Variants in IL1RAP observed in about 807,000 individuals in gnomAD.
The protein encoded by IL1RAP is interleukin 1 receptor accessory protein.
A neutral mutation model predicts 60.7 loss-of-function variants in IL1RAP; 35 were observed. The ratio of observed to expected loss-of-function variants is 0.58; its 90% CI spans 0.44 to 0.76. The LOEUF is 0.76. Ranked by LOEUF, IL1RAP falls within the 30% of genes least tolerant of loss-of-function variation. IL1RAP has a pLI of 0.00. For missense variants in IL1RAP, 572 were observed against 693.9 expected (o/e 0.82, Z 1.97); for synonymous variants, 268 against 250.9 (o/e 1.07, Z -0.64).
At chr3:190,659,392 G>A (rs536497691) in exon 12 of IL1RAP, 141 of 152,144 alleles carry the variant, frequency 9.3e-4, no homozygotes, top group African/African-American at 3.1e-3. Flanking sequence ...GTTATACAGC[G>A]GTCAGAAAGA....
chr3:190,521,914 G>A (rs1057360667), intron 1 of IL1RAP, among the ~76,000 whole-genome samples: 9 of 151,042 alleles, frequency 6.0e-5, no homozygotes, highest in Non-Finnish European at 1.5e-5. Flanking sequence ...CAAAATAAAG[G>A]AGAAAATATT....
At chr3:190,629,655 T>C in intron 9 of IL1RAP, 157 bp downstream of exon 9, 1 of 1,389,674 alleles carries the variant, frequency 7.2e-7, no homozygotes, top group Non-Finnish European at 9.4e-7. Context: ...AATATGAAAG[T>C]TTTCATCTAT....
intron 3 of IL1RAP, among the ~76,000 whole-genome samples, chr3:190,571,525 CA>C (rs544846899): frequency 4.6e-5 from 7 of 151,332 alleles, no homozygotes; most frequent in African/African-American, 1.5e-4. Flanking sequence ...CTCTCTTTCT[CA>C]AAAAAAAGTA....
intron 1 of IL1RAP, among the ~76,000 whole-genome samples, chr3:190,530,476 G>A (rs1722895977): frequency 6.6e-6 from 1 of 152,198 alleles, no homozygotes; most frequent in Non-Finnish European, 1.5e-5. Context: ...GTCATCATAA[G>A]ATGTTCTGGA....
chr3:190,635,584 C>A (rs1054600332), intron 9 of IL1RAP, among the ~76,000 whole-genome samples: 2 of 152,016 alleles, frequency 1.3e-5, no homozygotes, highest in African/African-American at 4.8e-5. Flanking sequence ...TTTCTAATTT[C>A]TGTTTTCATT....
chr3:190,538,932 G>T (rs1006331979), intron 1 of IL1RAP, among the ~76,000 whole-genome samples: 1 of 152,114 alleles, frequency 6.6e-6, no homozygotes, highest in African/African-American at 2.4e-5. Context: ...CTCCATGATT[G>T]TAAGTTTCCT....
Position 190,650,916 on chromosome 3 carries a change from C to T in IL1RAP, c.*2211C>T, listed in dbSNP as rs779997240. Reference sequence around the variant, plus strand: ...GCATTCCTTTTGCACTTTTGGATTCCATATTTATCCCAAATGCTGTTGGGC... The same window carrying T: ...GCATTCCTTTTGCACTTTTGGATTCTATATTTATCCCAAATGCTGTTGGGC... On this transcript the variant is annotated 3_prime_UTR_variant, in exon 12 of 12. Transcript: ENST00000447382. The T allele has an allele frequency of 1.2e-4, 121 of 985,158 alleles. No individual in the cohort carries two copies. The highest frequency in any genetic ancestry group is 1.4e-4 in the Non-Finnish European group (117 of 829,816). 61.0% of individuals were successfully genotyped at this position (985,158 alleles called of 1,614,324 possible).
intron 5 of IL1RAP, among the ~76,000 whole-genome samples, chr3:190,611,415 C>T (rs1346868940): frequency 2.6e-5 from 4 of 152,098 alleles, no homozygotes; most frequent in Non-Finnish European, 5.9e-5. Flanking sequence ...ATGTGAAACT[C>T]TATGGGCCAG....
chr3:190,543,380 G>A (rs949795359), intron 1 of IL1RAP, among the ~76,000 whole-genome samples: 8 of 152,110 alleles, frequency 5.3e-5, no homozygotes, highest in African/African-American at 1.9e-4. Flanking sequence ...CTATATGCCA[G>A]GCTTCAATGC....
intron 1 of IL1RAP, among the ~76,000 whole-genome samples, chr3:190,537,596 T>C (rs930779500): frequency 6.6e-6 from 1 of 152,134 alleles, no homozygotes; most frequent in African/African-American, 2.4e-5. Flanking sequence ...TGAAGGAAGG[T>C]TATCCATTTG....
chr3:190,520,543 T>C (rs1721928312), intron 1 of IL1RAP: 1 of 152,176 alleles, frequency 6.6e-6, no homozygotes, highest in African/African-American at 2.4e-5. Flanking sequence ...CGTTTGCATA[T>C]ATTGACAGCA....
At chr3:190,629,954 T>A in intron 9 of IL1RAP, 3 of 905,508 alleles carry the variant, frequency 3.3e-6, no homozygotes, top group Non-Finnish European at 4.0e-6. Flanking sequence ...CCTGAACAAA[T>A]AACAGAAAGG....
At chr3:190,585,283 A>G (rs1282361679) in intron 3 of IL1RAP, among the ~76,000 whole-genome samples, 2 of 152,138 alleles carry the variant, frequency 1.3e-5, no homozygotes, top group African/African-American at 4.8e-5. Flanking sequence ...GCCCACTCTA[A>G]CCATTGTCAA....
intron 1 of IL1RAP, among the ~76,000 whole-genome samples, chr3:190,532,349 G>A (rs1723062925): frequency 6.8e-6 from 1 of 147,170 alleles, no homozygotes; most frequent in South Asian, 2.1e-4. Flanking sequence ...TGCAAGCTTC[G>A]CCTCCTGGGT....
exon 12 of IL1RAP, chr3:190,658,022 T>A (rs900954308): frequency 1.3e-5 from 2 of 149,790 alleles, no homozygotes; most frequent in African/African-American, 5.0e-5. Context: ...GCCACTGCAC[T>A]CCAGACTTGG....
intron 9 of IL1RAP, chr3:190,629,882 T>C: frequency 1.0e-6 from 1 of 982,746 alleles, no homozygotes; most frequent in South Asian, 4.7e-5. Context: ...AAATCATTCA[T>C]GGTAGACTTC....
In IL1RAP at chr3:190,521,538, G is replaced by A. The variant is rs547536305; in HGVS notation, c.-89+7319G>A. Among the ~76,000 whole-genome samples the A allele has an allele frequency of 5.9e-5, 9 of 151,266 alleles. No homozygotes were observed. The East Asian group carries it at 9.7e-4, about 16-fold the overall frequency. ...TCTCCAGACTCCTTGCTTTCACCCC[G>A]AAAATGAGCAATTTGGAAAATATTA... On this transcript the variant is annotated intron_variant, in intron 1 of 11. Coordinates refer to ENST00000447382, the MANE Select transcript of IL1RAP (RefSeq NM_002182.4).
At chr3:190,637,786 C>T (rs895260515) in intron 9 of IL1RAP, among the ~76,000 whole-genome samples, 1 of 152,160 alleles carries the variant, frequency 6.6e-6, no homozygotes, top group African/African-American at 2.4e-5. Flanking sequence ...CCCACCTTCC[C>T]CACCTCCCCA....
At chr3:190,578,824 C>T (rs569560858) in intron 3 of IL1RAP, among the ~76,000 whole-genome samples, 10 of 152,286 alleles carry the variant, frequency 6.6e-5, no homozygotes, top group Non-Finnish European at 2.9e-5. Context: ...GGCCAGAGAG[C>T]GTGTGCAGGG....
Sources: gnomAD v4.1 joint callset for allele counts (sites outside exome capture counted in the v4.1 genomes callset) on GRCh38, gnomAD v4.1.1 for gene constraint, MANE v1.5 for transcripts, NCBI Gene and HGNC (gene_info 2026-07-23, HGNC 2026-07-21) for gene names.